FAM107B: variants seen among roughly 807,000 people sequenced by gnomAD.
FAM107B encodes protein FAM107B.
FAM107B carries 21 observed loss-of-function variants against 31.5 expected under a neutral mutation model. The observed-to-expected ratio is 0.67, with a 90% CI of 0.47 to 0.96. The LOEUF (loss-of-function observed/expected upper bound fraction) is 0.96. FAM107B is among the 40% of genes least tolerant of loss of function. FAM107B has a pLI of 0.00. For synonymous variants in FAM107B, 157 were observed against 141.5 expected, an observed-to-expected ratio of 1.11 and a Z score of -0.78; for missense variants, 452 against 377.1, an observed-to-expected ratio of 1.20 and a Z score of -1.64.
chr10:14,687,076 A>T (rs953414170), intron 1 of FAM107B, among the ~76,000 whole-genome samples: 6 of 152,250 alleles, frequency 3.9e-5, no homozygotes, highest in African/African-American at 1.4e-4. Flanking sequence ...GGTTCAGTAA[A>T]TAGCTCTCAT....
intron 2 of FAM107B, among the ~76,000 whole-genome samples, chr10:14,608,179 A>G (rs188312905): frequency 1.1e-3 from 172 of 152,354 alleles, no homozygotes; most frequent in Admixed American, 1.9e-3. Flanking sequence ...GAAAAACTTA[A>G]CAATGCCCTC....
intron 2 of FAM107B, among the ~76,000 whole-genome samples, chr10:14,599,853 CA>C (rs35147350): frequency 0.73 from 91,876 of 126,036 alleles, 32,012 homozygotes; most frequent in Middle Eastern, 0.82. Flanking sequence ...CCTTGATCTA[CA>C]AAAAAAAAAA....
chr10:14,684,484 G>T (rs946829992), intron 1 of FAM107B, among the ~76,000 whole-genome samples: 1 of 151,946 alleles, frequency 6.6e-6, no homozygotes, highest in Admixed American at 6.6e-5. Context: ...AAATAAAATG[G>T]CAACAATTCC....
At chr10:14,752,048 T>C (rs1441978388) in intron 1 of FAM107B, among the ~76,000 whole-genome samples, 2 of 152,222 alleles carry the variant, frequency 1.3e-5, no homozygotes, top group African/African-American at 4.8e-5. Flanking sequence ...TGATATTTAC[T>C]GGGCCAAGGA....
chr10:14,675,115 CAT>C (rs1854650944), intron 1 of FAM107B, among the ~76,000 whole-genome samples: 1 of 152,088 alleles, frequency 6.6e-6, no homozygotes, highest in African/African-American at 2.4e-5. Context: ...TTTTCCTACA[CAT>C]GTGTATCTAA....
chr10:14,751,664 G>A (rs1341312020), intron 1 of FAM107B, among the ~76,000 whole-genome samples: 1 of 151,962 alleles, frequency 6.6e-6, no homozygotes, highest in South Asian at 2.1e-4. Flanking sequence ...CACTACTCCC[G>A]GCCTCCTTAT....
chr10:14,620,570 T>G (rs1256148778), intron 2 of FAM107B, among the ~76,000 whole-genome samples: 1 of 152,200 alleles, frequency 6.6e-6, no homozygotes, highest in Non-Finnish European at 1.5e-5. Flanking sequence ...CTGGGATACA[T>G]GTGCAGAACA....
At chr10:14,697,196 C>G (rs1387608405) in intron 1 of FAM107B, among the ~76,000 whole-genome samples, 4 of 152,294 alleles carry the variant, frequency 2.6e-5, no homozygotes, top group Admixed American at 2.6e-4. Context: ...TAAAGAGGAG[C>G]TGGAAAGGGC....
chr10:14,673,094 G>A (rs1470307996), intron 1 of FAM107B, among the ~76,000 whole-genome samples: 1 of 152,182 alleles, frequency 6.6e-6, no homozygotes, highest in African/African-American at 2.4e-5. Flanking sequence ...AGGGTAATTA[G>A]CCTGTCCGTC....
chr10:14,589,743 C>G (rs1319694316), intron 2 of FAM107B, among the ~76,000 whole-genome samples: 1 of 152,048 alleles, frequency 6.6e-6, no homozygotes, highest in African/African-American at 2.4e-5. Context: ...GTGCGCCAAA[C>G]CACCGTGGCA....
rs1854402442 is a variant in FAM107B at position 14,666,325 on chromosome 10, C to G, written c.469+1309G>C. Among the ~76,000 whole-genome samples, 3 of 152,076 alleles carry G rather than the reference C, an allele frequency of 2.0e-5. No individual in the cohort carries two copies. The South Asian group carries it at 6.2e-4, about 32-fold the overall frequency. The stretch of plus-strand genomic sequence containing the variant: ...ATGGCGGAAGCAGAAGGAAGCATGT[C>G]CTTCTTCACATGACAGTAGCAAGGA... On this transcript the variant is annotated intron_variant, in intron 2 of 4. Coordinates refer to ENST00000181796, the MANE Select transcript of FAM107B (RefSeq NM_031453.4).
intron 2 of FAM107B, among the ~76,000 whole-genome samples, chr10:14,608,359 A>T (rs1225779144): frequency 6.6e-6 from 1 of 152,254 alleles, no homozygotes; most frequent in Non-Finnish European, 1.5e-5. Flanking sequence ...TGACTGTATA[A>T]CACATCGCCT....
intron 2 of FAM107B, among the ~76,000 whole-genome samples, chr10:14,666,786 G>A (rs1854414108): frequency 6.6e-6 from 1 of 152,122 alleles, no homozygotes; most frequent in Non-Finnish European, 1.5e-5. Flanking sequence ...AGTATAGAGG[G>A]AAAGGGTGGA....
At chr10:14,640,271 T>C (rs193085765) in intron 2 of FAM107B, among the ~76,000 whole-genome samples, 93 of 152,348 alleles carry the variant, frequency 6.1e-4, no homozygotes, top group African/African-American at 2.1e-3. Context: ...GGCTTCTGAA[T>C]ACAGAGCCTG....
At chr10:14,643,315 C>T (rs1164739253) in intron 2 of FAM107B, among the ~76,000 whole-genome samples, 3 of 151,948 alleles carry the variant, frequency 2.0e-5, no homozygotes, top group Admixed American at 6.6e-5. Flanking sequence ...AGACAAGCAT[C>T]CCAGCTCAAG....
At chr10:14,584,925 T>C (rs968851370) in intron 2 of FAM107B, among the ~76,000 whole-genome samples, 8 of 152,174 alleles carry the variant, frequency 5.3e-5, no homozygotes, top group African/African-American at 1.9e-4. Context: ...CTGTAATTGG[T>C]TGCTTCCTGC....
At chr10:14,741,163 G>A (rs1386211167) in intron 1 of FAM107B, among the ~76,000 whole-genome samples, 38 of 152,162 alleles carry the variant, frequency 2.5e-4, no homozygotes, top group Admixed American at 2.5e-3. Flanking sequence ...GTGAGGGTTT[G>A]GGGGCAGGAA....
chr10:14,556,478 C>G, intron 2 of FAM107B: 2 of 934,640 alleles, frequency 2.1e-6, no homozygotes, highest in Non-Finnish European at 2.6e-6. Context: ...TCATATTTGT[C>G]AAGCCCCGAC....
chr10:14,723,983 A>C (rs1855972966), intron 1 of FAM107B: 1 of 755,274 alleles, frequency 1.3e-6, no homozygotes, highest in Non-Finnish European at 2.4e-6. Context: ...GTGTCACCTA[A>C]GTGGGTTCCT....
Sources: gnomAD v4.1 joint callset for allele counts (sites outside exome capture counted in the v4.1 genomes callset) on GRCh38, gnomAD v4.1.1 for gene constraint, MANE v1.5 for transcripts, NCBI Gene and HGNC (gene_info 2026-07-23, HGNC 2026-07-21) for gene names.